Variants in TET2 observed in about 807,000 individuals in gnomAD.
TET2 encodes methylcytosine dioxygenase TET2.
In TET2, 299 loss-of-function variants were observed where a neutral mutation model predicts 142.9. That is an observed-to-expected ratio of 2.09 (90% confidence interval 1.90 to 2.30). The LOEUF (loss-of-function observed/expected upper bound fraction) is 2.30, where lower values mean the gene tolerates loss of function less well. TET2 is among the 30% of genes most tolerant of loss of function. The pLI, the probability that TET2 is intolerant of heterozygous loss-of-function variation, is 0.00. For synonymous variants in TET2, 819 were observed against 849.0 expected (o/e 0.96, Z 0.61); for missense variants, 2,418 against 2,378.0 (o/e 1.02, Z -0.35).
At chr4:105,192,218 GACA>G (rs1233738835) in intron 2 of TET2, among the ~76,000 whole-genome samples, 2 of 151,878 alleles carry the variant, frequency 1.3e-5, no homozygotes, top group Non-Finnish European at 2.9e-5. Context: ...AAAAAACGAA[GACA>G]ACAAATTAAA....
intron 2 of TET2, among the ~76,000 whole-genome samples, chr4:105,217,051 C>G (rs1035611580): frequency 2.0e-5 from 3 of 151,792 alleles, no homozygotes; most frequent in African/African-American, 7.2e-5. Context: ...TGTGTTCTTT[C>G]TTTGTTCTTG....
intron 5 of TET2, 147 bp downstream of exon 5, chr4:105,243,074 A>T: frequency 1.5e-6 from 1 of 661,382 alleles, no homozygotes; most frequent in Non-Finnish European, 2.5e-6. Flanking sequence ...GTTATCTCTT[A>T]AGAAGAGGCA....
At chr4:105,224,177 A>C (rs1728032232) in intron 2 of TET2, among the ~76,000 whole-genome samples, 1 of 152,108 alleles carries the variant, frequency 6.6e-6, no homozygotes, top group African/African-American at 2.4e-5. Context: ...ATAAACCAAA[A>C]AATAAAACAA....
intron 6 of TET2, among the ~76,000 whole-genome samples, chr4:105,249,884 G>A (rs1729779634): frequency 1.3e-5 from 2 of 152,142 alleles, no homozygotes; most frequent in Admixed American, 6.5e-5. Context: ...TGTCCTTAAA[G>A]TACAAAAGTT....
At position 105,161,215 on chromosome 4, in the gene TET2, TTAAC is replaced by T. The variant is rs1219082956; in HGVS notation, c.-193+14241_-193+14244del. Reference sequence around the variant, plus strand: ...GGAAATTACCAAAAGAGTGACTTATTTAACTAACAATAAAATCTAAGGATAGATA... The same window carrying T: ...GGAAATTACCAAAAGAGTGACTTATTTAACAATAAAATCTAAGGATAGATA... On this transcript the variant is annotated intron_variant, in intron 1 of 10. Coordinates refer to ENST00000380013, the MANE Select transcript of TET2 (RefSeq NM_001127208.3). Among the ~76,000 whole-genome samples the T allele has an allele frequency of 2.0e-5, 3 of 152,346 alleles. No homozygotes were observed. In the East Asian group the frequency reaches 5.8e-4, roughly 29 times the overall value.
At chr4:105,272,523 G>C (rs888888121) in intron 9 of TET2, 41 bp from the exon 10 acceptor site, 2 of 1,344,050 alleles carry the variant, frequency 1.5e-6, no homozygotes, top group Non-Finnish European at 2.0e-6. Flanking sequence ...GTTTTCTTTG[G>C]GACCTGTAGT....
At chr4:105,181,114 T>A (rs151086871) in intron 1 of TET2, among the ~76,000 whole-genome samples, 1 of 152,214 alleles carries the variant, frequency 6.6e-6, no homozygotes, top group African/African-American at 2.4e-5. Context: ...TATATTTCTA[T>A]CTAGAATATT....
In TET2 at chr4:105,237,051, GC is replaced by G; in HGVS notation, c.3111del (p.Lys1038SerfsTer17). On this transcript the variant is annotated frameshift_variant, in exon 3 of 11. Coordinates refer to ENST00000380013, the MANE Select transcript of TET2 (RefSeq NM_001127208.3). LOFTEE classifies it high-confidence loss of function. The stretch of plus-strand genomic sequence containing the variant: ...GGAGCAGCATCTGAAGCAGTTTCAC[GC>G]CAAGTCGTTATTTGACCATAAGGCT... ...TMEQHLKQFH[A>X]KSLFDHKALT... is the part of the protein sequence containing the mutation. 1 of 1,614,122 alleles carries G rather than the reference GC, an allele frequency of 6.2e-7. No individual in the cohort carries two copies. The highest frequency in any genetic ancestry group is 8.5e-7 in the Non-Finnish European group (1 of 1,180,012).
rs1238095004 is a variant in TET2, at chr4:105,237,585, A to G, written c.3409+234A>G. 4 of 1,473,754 alleles carry G rather than the reference A, an allele frequency of 2.7e-6. No homozygotes were observed. In the East Asian group the frequency reaches 7.3e-5, roughly 27 times the overall value. The allele number at this position is 1,473,754 out of a possible 1,614,324, so 91.3% of individuals were successfully genotyped here. A position where few individuals can be genotyped will look rare whatever the true frequency, so the allele number is the denominator to read the frequency against. On this transcript the variant is annotated intron_variant, in intron 3 of 10. Transcript: ENST00000380013. ...AAGAATTAAATAATCGTGCATGTTT[A>G]TTTTTCCCTCTCTTCAGATCCTGTA...
chr4:105,183,262 A>G (rs1725228302), intron 1 of TET2, among the ~76,000 whole-genome samples: 1 of 152,134 alleles, frequency 6.6e-6, no homozygotes, highest in Non-Finnish European at 1.5e-5. Context: ...GGAATAGAAT[A>G]TATATTGTAA....
chr4:105,186,551 T>C (rs1281104152), intron 1 of TET2, among the ~76,000 whole-genome samples: 4 of 150,742 alleles, frequency 2.7e-5, no homozygotes, highest in African/African-American at 9.8e-5. Context: ...TCTCAGCTTA[T>C]TGCAACCTCC....
chr4:105,161,128 A>G (rs550527177), intron 1 of TET2, among the ~76,000 whole-genome samples: 11 of 152,226 alleles, frequency 7.2e-5, no homozygotes, highest in Admixed American at 1.3e-4. Context: ...GACCGAATCT[A>G]TTATTCACAT....
At position 105,235,791 on chromosome 4, in the gene TET2, A is replaced by G. The variant is rs1217379899; in HGVS notation, c.1849A>G (p.Arg617Gly). Residue 617 changes from arginine to glycine, a missense_variant, in exon 3 of 11, where the codon AGG (arginine) becomes GGG (glycine). Physicochemically the swap from Arg to Gly is moderately radical, Grantham distance 125 (BLOSUM62 -2). Transcript: ENST00000380013. ...GNSNMPGGLPRQAYTQKTTQL... is the reference protein window; with the variant it reads ...GNSNMPGGLPGQAYTQKTTQL... ...TTCCAACATGCCTGGGGGGCTCCCA[A>G]GGCAAGCTTACACCCAGAAAACAAC... 3 of 1,614,140 alleles carry G rather than the reference A, an allele frequency of 1.9e-6. No homozygotes were observed. The highest frequency in any genetic ancestry group is 1.3e-5 in the African/African-American group (1 of 75,070).
At chr4:105,273,112 A>G (rs1176422020) in intron 10 of TET2, among the ~76,000 whole-genome samples, 194 bp downstream of exon 10, 2 of 152,206 alleles carry the variant, frequency 1.3e-5, no homozygotes, top group Non-Finnish European at 2.9e-5. Context: ...TATTAAGCCC[A>G]GCATCTTCCT....
intron 3 of TET2, chr4:105,240,990 T>A: frequency 1.8e-6 from 2 of 1,087,354 alleles, no homozygotes. Context: ...TTTAAATGTT[T>A]TTTTTTTCCA....
At position 105,275,660 on chromosome 4, in the gene TET2, A is replaced by C; in HGVS notation, c.5150A>C (p.His1717Pro). The change falls in exon 11 of 11, where the codon CAT becomes CCT. Residue 1717 changes from histidine (H) to proline (P), a missense_variant. By Grantham distance (77) the His-to-Pro change is moderately conservative (BLOSUM62 -2). Transcript: ENST00000380013. ...SSCTIRPNVH[H>P]VGKLPPYPTH... The stretch of plus-strand genomic sequence containing the variant: ...TGTACCATTAGACCAAATGTACATC[A>C]TGTAGGGAAATTGCCTCCTTATCCC... The C allele has an allele frequency of 6.4e-7, 1 of 1,551,976 alleles. No individual in the cohort carries two copies. Among genetic ancestry groups the C allele is most frequent in the East Asian group, 2.4e-5 (1 of 40,918 alleles).
At chr4:105,194,263 G>A (rs1725952127) in intron 2 of TET2, among the ~76,000 whole-genome samples, 1 of 152,104 alleles carries the variant, frequency 6.6e-6, no homozygotes, top group African/African-American at 2.4e-5. Flanking sequence ...CCTTTCTCAT[G>A]AAACAGATCT....
At chr4:105,181,942 A>T (rs941453882) in intron 1 of TET2, among the ~76,000 whole-genome samples, 3 of 152,082 alleles carry the variant, frequency 2.0e-5, no homozygotes, top group African/African-American at 4.8e-5. Flanking sequence ...ATTACTTGAA[A>T]GTTCAACCTC....
At chr4:105,261,113 A>G (rs1470277524) in intron 7 of TET2, among the ~76,000 whole-genome samples, 1 of 152,030 alleles carries the variant, frequency 6.6e-6, no homozygotes, top group Admixed American at 6.6e-5. Context: ...GAAGACTTCT[A>G]AGTATAAATG....
Sources: allele counts gnomAD v4.1 joint callset (sites outside exome capture counted in the v4.1 genomes callset), GRCh38; gene constraint gnomAD v4.1.1; transcripts MANE v1.5; gene names NCBI Gene and HGNC (gene_info 2026-07-23, HGNC 2026-07-21).